The following RNF17 variants were observed in gnomAD, a reference collection of about 807,000 sequenced individuals.
The protein encoded by RNF17 is spermatogenesis associated 23.
RNF17 carries 31 observed loss-of-function variants against 200.5 expected under a neutral mutation model. That is an observed-to-expected ratio of 0.15 (90% CI 0.12 to 0.21). The LOEUF is 0.21. RNF17 is among the 10% of genes least tolerant of loss of function. The probability of loss-of-function intolerance (pLI) is 1.00; values close to 1 mark genes in which losing one functional copy is unlikely to be tolerated. For missense variants in RNF17, 1,628 were observed against 1,905.1 expected (o/e 0.85, Z 2.71); for synonymous variants, 606 against 637.8 (o/e 0.95, Z 0.75).
At chr13:24,831,022 T>G (rs1889322988) in intron 17 of RNF17, among the ~76,000 whole-genome samples, 1 of 151,940 alleles carries the variant, frequency 6.6e-6, no homozygotes, top group Non-Finnish European at 1.5e-5. Flanking sequence ...TGGGGAGGAG[T>G]AGTATTCTGA....
chr13:24,853,903 A>C lies in RNF17; in HGVS notation c.3369A>C (p.Glu1123Asp). 6.2e-7 allele frequency: 1 copy of C among 1,613,432 alleles called. No homozygotes were observed. The stretch of plus-strand genomic sequence containing the variant: ...ATTCATTATCTGAGAAGTCTCTGGA[A>C]GTCCCCCTGGAACAGGAAGATTCAG... The part of the protein sequence containing the change: ...NSHSLSEKSL[E>D]VPLEQEDSVV... Residue 1123 changes from glutamate (E) to aspartate (D), a missense_variant, in exon 25 of 36, where the codon GAA becomes GAC. Coordinates refer to ENST00000255324, the MANE Select transcript of RNF17 (RefSeq NM_031277.3).
At chr13:24,757,024 G>C in the RNF17 span, among the ~76,000 whole-genome samples, 2 of 152,080 alleles carry the variant, frequency 1.3e-5, no homozygotes, top group Non-Finnish European at 2.9e-5. Flanking sequence ...CTGGAGGTGA[G>C]GGAAGATGAA....
intron 15 of RNF17, among the ~76,000 whole-genome samples, chr13:24,805,229 T>C (rs1885706013): frequency 6.6e-6 from 1 of 152,204 alleles, no homozygotes; most frequent in Admixed American, 6.5e-5. Flanking sequence ...AATATAATTT[T>C]ATAGTTTTTA....
intron 18 of RNF17, among the ~76,000 whole-genome samples, chr13:24,835,646 C>T (rs866243586): frequency 6.6e-6 from 1 of 152,152 alleles, no homozygotes; most frequent in Non-Finnish European, 1.5e-5. Flanking sequence ...AGGGGAACAC[C>T]CCATGAGACA....
chr13:24,796,603 C>G (rs575997157), intron 11 of RNF17, among the ~76,000 whole-genome samples: 1 of 152,298 alleles, frequency 6.6e-6, no homozygotes, highest in South Asian at 2.1e-4. Flanking sequence ...CCATGAAGAA[C>G]TGTGCCTGTA....
At chr13:24,866,258 A>T in intron 30 of RNF17, 55 bp downstream of exon 30, 1 of 921,884 alleles carries the variant, frequency 1.1e-6, no homozygotes, top group Non-Finnish European at 1.8e-6. Context: ...AATAAAAAGG[A>T]TCTGATACAG....
At chr13:24,862,646 C>G (rs1893214666) in intron 27 of RNF17, 67 bp from the exon 28 acceptor site, 1 of 976,950 alleles carries the variant, frequency 1.0e-6, no homozygotes. Flanking sequence ...TTTTGTGTAT[C>G]TTAATTTGCT....
At chr13:24,876,252 A>G (rs1453136204) in intron 33 of RNF17, among the ~76,000 whole-genome samples, 1 of 152,126 alleles carries the variant, frequency 6.6e-6, no homozygotes. Flanking sequence ...TTTTATTTTC[A>G]TCTTAATTTC....
the RNF17 span, among the ~76,000 whole-genome samples, chr13:24,754,180 A>T: frequency 3.2e-4 from 48 of 151,936 alleles, no homozygotes; most frequent in African/African-American, 1.1e-3. Context: ...AAAAAAAATA[A>T]AATAAAATAA....
chr13:24,803,725 GACC>G (rs1288157053), intron 14 of RNF17: 13 of 152,424 alleles, frequency 8.5e-5, no homozygotes, highest in Admixed American at 8.5e-4. Context: ...GAGCCACAGA[GACC>G]CTTCAGCTGA....
At chr13:24,863,726 A>G (rs1283910230) in intron 28 of RNF17, among the ~76,000 whole-genome samples, 1 of 152,196 alleles carries the variant, frequency 6.6e-6, no homozygotes, top group Non-Finnish European at 1.5e-5. Context: ...TAGAGATTGA[A>G]ATTTTTAGTT....
At chr13:24,790,455 TA>T (rs1416489256) in intron 9 of RNF17, among the ~76,000 whole-genome samples, 1 of 152,192 alleles carries the variant, frequency 6.6e-6, no homozygotes, top group Admixed American at 6.6e-5. Flanking sequence ...TATTTAAATT[TA>T]AACATAAATT....
intron 4 of RNF17, among the ~76,000 whole-genome samples, chr13:24,778,702 A>G (rs972142355): frequency 2.0e-5 from 3 of 152,202 alleles, no homozygotes; most frequent in Non-Finnish European, 4.4e-5. Context: ...CATGTAAAGC[A>G]TGAGTTTTTA....
At chr13:24,858,485 G>A (rs1205333781) in intron 25 of RNF17, among the ~76,000 whole-genome samples, 1 of 151,458 alleles carries the variant, frequency 6.6e-6, no homozygotes, top group African/African-American at 2.4e-5. Context: ...CTTATTGGAG[G>A]TAAGGGAACT....
In RNF17 at chr13:24,789,626, A is replaced by G; in HGVS notation, c.861-72A>G. On this transcript the variant is annotated intron_variant, in intron 8 of 35. Transcript: ENST00000255324. ...CCTTTTCAATTCATTAATGTCAGCA[A>G]TTGATTTTTGTCTAGAGAACATGAT... The G allele has an allele frequency of 7.8e-6, 8 of 1,030,796 alleles. 1 individual carries two copies. In the South Asian group the frequency reaches 8.6e-5, roughly 11 times the overall value. 63.9% of individuals were successfully genotyped at this position (1,030,796 alleles called of 1,614,324 possible). A position where few individuals can be genotyped will look rare whatever the true frequency, so the allele number is the denominator to read the frequency against.
chr13:24,764,491 A>C (rs554391281), intron 1 of RNF17, 158 bp downstream of exon 1: 2 of 700,490 alleles, frequency 2.9e-6, no homozygotes, highest in Non-Finnish European at 3.5e-6. Context: ...CCCGACCTCT[A>C]AGAGGGCAGT....
At chr13:24,797,734 G>GTGTGTGTGTA (rs1884775000) in intron 11 of RNF17, among the ~76,000 whole-genome samples, 2 of 150,396 alleles carry the variant, frequency 1.3e-5, no homozygotes, top group South Asian at 2.1e-4. Context: ...GTGTGTGTGT[G>GTGTGTGTGTA]TGTGTGTGTG....
At chr13:24,842,882 G>A (rs1031852912) in intron 19 of RNF17, among the ~76,000 whole-genome samples, 1 of 152,010 alleles carries the variant, frequency 6.6e-6, no homozygotes, top group Admixed American at 6.6e-5. Flanking sequence ...AGCTACTCGG[G>A]AGGCTGAGGC....
chr13:24,796,824 T>A (rs1461859277), intron 11 of RNF17, among the ~76,000 whole-genome samples: 1 of 152,234 alleles, frequency 6.6e-6, no homozygotes. Flanking sequence ...TAACGTTGAC[T>A]GAATTTGATT....
Sources: allele counts gnomAD v4.1 joint callset (sites outside exome capture counted in the v4.1 genomes callset), GRCh38; gene constraint gnomAD v4.1.1; transcripts MANE v1.5; gene names NCBI Gene and HGNC (gene_info 2026-07-23, HGNC 2026-07-21).